PRKN: variants seen among roughly 807,000 people sequenced by gnomAD.
PRKN encodes E3 ubiquitin-protein ligase parkin.
PRKN carries 56 observed loss-of-function variants against 59.5 expected under a neutral mutation model. The ratio of observed to expected loss-of-function variants is 0.94; its 90% CI spans 0.76 to 1.18. PRKN has a LOEUF of 1.18. Among genes scored for constraint, PRKN ranks in the 50% most tolerant of loss-of-function variants. PRKN has a pLI of 0.00. For synonymous variants in PRKN, 250 were observed against 222.1 expected (o/e 1.13, Z -1.12); for missense variants, 657 against 596.4 (o/e 1.10, Z -1.06).
chr6:162,705,903 T>C (rs1778322080), intron 1 of PRKN, among the ~76,000 whole-genome samples: 1 of 152,072 alleles, frequency 6.6e-6, no homozygotes, highest in African/African-American at 2.4e-5. Flanking sequence ...CTCCCGTGGA[T>C]TCTGGAGCAA....
intron 7 of PRKN, among the ~76,000 whole-genome samples, chr6:161,687,388 CAAAAAAAAAAAAAAAAAA>C (rs1192587302): frequency 1.9e-5 from 1 of 51,558 alleles, no homozygotes; most frequent in African/African-American, 8.9e-5. Flanking sequence ...GACTCCATCT[CAAAAAAAAAAAAAAAAAA>C]AAAAAAAAAG....
At chr6:162,188,374 G>T (rs374995433) in intron 4 of PRKN, among the ~76,000 whole-genome samples, 1 of 152,030 alleles carries the variant, frequency 6.6e-6, no homozygotes, top group East Asian at 1.9e-4. Context: ...ACACCTGCTC[G>T]CTCTGAATTG....
chr6:161,364,590 A>G (rs1022027553), intron 10 of PRKN, among the ~76,000 whole-genome samples: 3 of 152,000 alleles, frequency 2.0e-5, no homozygotes, highest in African/African-American at 7.3e-5. Context: ...ACGTATGGTA[A>G]ATCACAGGAA....
At chr6:161,589,146 CCTG>C (rs1781624736) in intron 7 of PRKN, among the ~76,000 whole-genome samples, 1 of 152,180 alleles carries the variant, frequency 6.6e-6, no homozygotes, top group Admixed American at 6.5e-5. Context: ...CGTCAAGAAA[CCTG>C]CTGAAATACA....
intron 9 of PRKN, among the ~76,000 whole-genome samples, chr6:161,541,731 G>T (rs1779621933): frequency 2.0e-5 from 3 of 151,958 alleles, no homozygotes; most frequent in Non-Finnish European, 2.9e-5. Context: ...TGAGGCAGGA[G>T]AATCGTTTGA....
intron 7 of PRKN, among the ~76,000 whole-genome samples, chr6:161,645,597 A>C (rs1783896383): frequency 6.6e-6 from 1 of 152,238 alleles, no homozygotes; most frequent in African/African-American, 2.4e-5. Flanking sequence ...TTCCCATTCA[A>C]CTATTTTGCA....
At chr6:162,473,246 C>A (rs938089718) in intron 1 of PRKN, among the ~76,000 whole-genome samples, 1 of 152,098 alleles carries the variant, frequency 6.6e-6, no homozygotes, top group Non-Finnish European at 1.5e-5. Context: ...TGATGTGAAG[C>A]AAAGATGGGA....
intron 2 of PRKN, among the ~76,000 whole-genome samples, chr6:162,283,748 T>G (rs1013250460): frequency 7.2e-5 from 11 of 152,160 alleles, no homozygotes; most frequent in Non-Finnish European, 1.2e-4. Context: ...CTCGAACTCC[T>G]GACCTCAAGT....
At chr6:161,844,650 A>T (rs762941173) in intron 6 of PRKN, among the ~76,000 whole-genome samples, 5 of 152,258 alleles carry the variant, frequency 3.3e-5, no homozygotes, top group Non-Finnish European at 7.3e-5. Context: ...ACCACATTGG[A>T]CAGCACAGAA....
chr6:162,384,381 G>A lies in PRKN; in HGVS notation c.171+58929C>T, dbSNP rs139618098. ...CCGAGAATAGGGAAGCCCAAGGAGA[G>A]GAAGAGAGGTGGGGGAACTGCTGGT... On this transcript the variant is annotated intron_variant, in intron 2 of 11. Coordinates refer to ENST00000366898, the MANE Select transcript of PRKN (RefSeq NM_004562.3). Among the ~76,000 whole-genome samples the A allele has an allele frequency of 3.9e-3, 589 of 152,194 alleles. 14 individuals carry two copies. The highest frequency in any genetic ancestry group is 0.031 in the Admixed American group (475 of 15,278).
Position 161,470,509 on chromosome 6 carries a change from C to G in PRKN, c.1083+78345G>C, listed in dbSNP as rs556767691. On this transcript the variant is annotated intron_variant, in intron 9 of 11. Transcript: ENST00000366898. The surrounding 1 kb of genome is among the most constrained non-coding windows in gnomAD (Gnocchi z 5.1). Reference sequence around the variant, plus strand: ...ACCTGAGAAGCACTCCCAGTCTAACCCTTTGACCCACTCAAGAGATGTCCT... The same window carrying G: ...ACCTGAGAAGCACTCCCAGTCTAACGCTTTGACCCACTCAAGAGATGTCCT... 1.3e-5 allele frequency among the ~76,000 whole-genome samples: 2 copies of G among 152,284 alleles called. No homozygotes were observed. The highest frequency in any genetic ancestry group is 4.1e-4 in the South Asian group (2 of 4,822).
At chr6:162,680,125 ATAT>A (rs1310590822) in intron 1 of PRKN, among the ~76,000 whole-genome samples, 1 of 151,718 alleles carries the variant, frequency 6.6e-6, no homozygotes, top group Admixed American at 6.6e-5. Context: ...TCTTCCTCAA[ATAT>A]TATTAAGTAT....
In PRKN at chr6:161,560,109, T is replaced by C. The variant is rs537960975; in HGVS notation, c.933+9246A>G. ...ACCCAAACTGTCAGTCCCATATGGGTCCATACGTTTCCTAATATCAGCCAA... is the reference window on the plus strand; with the variant it reads ...ACCCAAACTGTCAGTCCCATATGGGCCCATACGTTTCCTAATATCAGCCAA... On this transcript the variant is annotated intron_variant, in intron 8 of 11. Transcript: ENST00000366898. The surrounding 1 kb of genome is among the most constrained non-coding windows in gnomAD (Gnocchi z 4.9). 5.9e-5 allele frequency among the ~76,000 whole-genome samples: 9 copies of C among 152,232 alleles called. No individual in the cohort carries two copies. Among genetic ancestry groups the C allele is most frequent in the Admixed American group, 5.9e-4 (9 of 15,294 alleles).
At chr6:162,579,072 T>C (rs938203750) in intron 1 of PRKN, among the ~76,000 whole-genome samples, 1 of 151,898 alleles carries the variant, frequency 6.6e-6, no homozygotes, top group Non-Finnish European at 1.5e-5. Flanking sequence ...TTTAAAATCT[T>C]ATGTTACATA....
At chr6:162,074,335 A>G (rs1778721663) in intron 4 of PRKN, among the ~76,000 whole-genome samples, 1 of 125,822 alleles carries the variant, frequency 7.9e-6, no homozygotes, top group Non-Finnish European at 1.6e-5. Context: ...TTGTAGGGAC[A>G]TGGATGAAAT....
chr6:161,968,025 C>CT (rs1295774869), intron 6 of PRKN, among the ~76,000 whole-genome samples: 1 of 151,236 alleles, frequency 6.6e-6, no homozygotes, highest in African/African-American at 2.4e-5. Context: ...AGTGTGGGGC[C>CT]TTTTTTTTCT....
chr6:162,143,032 C>A (rs1210634403), intron 4 of PRKN, among the ~76,000 whole-genome samples: 1 of 152,144 alleles, frequency 6.6e-6, no homozygotes, highest in Non-Finnish European at 1.5e-5. Context: ...TAATACATGG[C>A]CAATTGTTCT....
In PRKN at chr6:161,430,810, G is replaced by A. The variant is rs567642634; in HGVS notation, c.1084-43933C>T. On this transcript the variant is annotated intron_variant, in intron 9 of 11. Coordinates refer to ENST00000366898, the MANE Select transcript of PRKN (RefSeq NM_004562.3). ...AGCCTGGGCAACACAGCCAGACTCC[G>A]TCTCAAAAAAAAAAAAAAAAAAAAA... 4.4e-3 allele frequency among the ~76,000 whole-genome samples: 327 copies of A among 73,490 alleles called. 3 individuals carry two copies. Among genetic ancestry groups the A allele is most frequent in the African/African-American group, 0.018 (311 of 17,180 alleles). 48.2% of individuals were successfully genotyped at this position (73,490 alleles called of 152,430 possible).
intron 6 of PRKN, among the ~76,000 whole-genome samples, chr6:161,919,834 G>A (rs2128238783): frequency 6.6e-6 from 1 of 152,280 alleles, no homozygotes; most frequent in Admixed American, 6.5e-5. Flanking sequence ...AGTGATGACA[G>A]GGACACAGGT....
Sources: allele counts gnomAD v4.1 joint callset (sites outside exome capture counted in the v4.1 genomes callset), GRCh38; gene constraint gnomAD v4.1.1; non-coding constraint Gnocchi (gnomAD v3.1); transcripts MANE v1.5; gene names NCBI Gene and HGNC (gene_info 2026-07-23, HGNC 2026-07-21).